NOTCH2: variants seen among roughly 807,000 people sequenced by gnomAD.
NOTCH2 encodes the protein notch receptor 2.
NOTCH2 carries 29 observed loss-of-function variants against 235.8 expected under a neutral mutation model. The ratio of observed to expected loss-of-function variants is 0.12; its 90% CI spans 0.09 to 0.17. The LOEUF is 0.17. Ranked by LOEUF, NOTCH2 falls within the 10% of genes least tolerant of loss-of-function variation. NOTCH2 has a pLI of 1.00. For synonymous variants in NOTCH2, 1,086 were observed against 1,141.5 expected, an observed-to-expected ratio of 0.95 and a Z score of 0.98; for missense variants, 2,285 against 3,150.2, an observed-to-expected ratio of 0.73 and a Z score of 6.57.
At position 119,969,494 on chromosome 1, in the gene NOTCH2, G is replaced by T. The variant is rs376006218; in HGVS notation, c.1108+17C>A. 6.2e-7 allele frequency: 1 copy of T among 1,609,424 alleles called. No homozygotes were observed. The highest frequency in any genetic ancestry group is 1.1e-5 in the South Asian group (1 of 90,776). Reference sequence around the variant, plus strand: ...CTGCCCCTTCCCTGTTTCTAGATCCGTCCTTCTGCTACCTACCTGCCTTCC... The same window carrying T: ...CTGCCCCTTCCCTGTTTCTAGATCCTTCCTTCTGCTACCTACCTGCCTTCC... On this transcript the variant is annotated intron_variant, in intron 6 of 33. Transcript: ENST00000256646.
chr1:119,916,032 A>C lies in NOTCH2; in HGVS notation c.6690T>G (p.Ile2230Met), dbSNP rs1649055038. 1.2e-6 allele frequency: 2 copies of C among 1,613,638 alleles called. No individual in the cohort carries two copies. The highest frequency in any genetic ancestry group is 1.7e-5 in the Admixed American group (1 of 60,000). Residue 2230 changes from isoleucine (I) to methionine (M), a missense_variant, in exon 34 of 34, where the codon ATT becomes ATG. By Grantham distance (10) the Ile-to-Met change is conservative. Around this residue, in one of 6 missense-constraint regions of NOTCH2, gnomAD observed 504 missense variants for 538.0 expected, o/e 0.94. Coordinates refer to ENST00000256646, the MANE Select transcript of NOTCH2 (RefSeq NM_024408.4). ...SVSQLLSHHH[I>M]VSPGSGSAGS... is the part of the protein sequence containing the mutation. ...CAGCACTGCCACTGCCTGGAGACAC[A>C]ATGTGGTGGTGGGATAGCAACTGGC... is the stretch of plus-strand genomic sequence containing the variant.
At chr1:119,945,772 G>T (rs1361949685) in intron 17 of NOTCH2, among the ~76,000 whole-genome samples, 1 of 151,958 alleles carries the variant, frequency 6.6e-6, no homozygotes, top group African/African-American at 2.4e-5. Context: ...GATAGTAAAA[G>T]ATTTCAATAC....
chr1:120,025,303 C>T (rs1461810272), intron 2 of NOTCH2, among the ~76,000 whole-genome samples: 20 of 151,556 alleles, frequency 1.3e-4, no homozygotes, highest in Non-Finnish European at 2.8e-4. Context: ...GAGCAGAAGG[C>T]TCCTGGGGCT....
rs782669546 is a variant in NOTCH2 at position 119,949,087 on chromosome 1, T to C, written c.2519A>G (p.Asn840Ser). The change falls in exon 16 of 34, where the codon AAC (asparagine) becomes AGC (serine). Residue 840 changes from asparagine to serine, a missense_variant. Physicochemically the swap from Asn to Ser is conservative, Grantham distance 46. Around this residue, in one of 6 missense-constraint regions of NOTCH2, gnomAD observed 1,173 missense variants for 1,515.3 expected, o/e 0.77. Coordinates refer to ENST00000256646, the MANE Select transcript of NOTCH2 (RefSeq NM_024408.4). The stretch of plus-strand genomic sequence containing the variant: ...GCAAACAGCAGCATTCTCACAAGGG[T>C]TTGGGGAACAGGGAGCCAATACTGT... Reference protein sequence around the residue: ...CQTVLAPCSPNPCENAAVCKE... With the variant: ...CQTVLAPCSPSPCENAAVCKE... 24 of 1,614,102 alleles carry C rather than the reference T, an allele frequency of 1.5e-5. No homozygotes were observed. The highest frequency in any genetic ancestry group is 2.0e-5 in the Non-Finnish European group (24 of 1,179,994).
rs1211950451 is a variant in NOTCH2, at chr1:120,043,144, A to C, written c.74-13157T>G. Among the ~76,000 whole-genome samples, 5 of 151,244 alleles carry C rather than the reference A, an allele frequency of 3.3e-5. No homozygotes were observed. In the East Asian group the frequency reaches 9.6e-4, roughly 29 times the overall value. The stretch of plus-strand genomic sequence containing the variant: ...ACAATATATTTAGGATTAACATCTC[A>C]GCTTCTAATAGGCAGGGATTTTCAG... On this transcript the variant is annotated intron_variant, in intron 1 of 33. Transcript: ENST00000256646.
chr1:119,965,390 G>A, intron 10 of NOTCH2, 63 bp downstream of exon 10: 1 of 1,243,320 alleles, frequency 8.0e-7, no homozygotes, highest in South Asian at 1.2e-5. Context: ...AGAGGACAGG[G>A]ACAATCACCC....
chr1:119,948,967 A>G, intron 16 of NOTCH2, 40 bp downstream of exon 16: 2 of 1,613,940 alleles, frequency 1.2e-6, no homozygotes, highest in Non-Finnish European at 1.7e-6. Context: ...GTTTAAAGTC[A>G]GAATGCATGT....
chr1:120,012,495 A>G (rs2101265397), intron 2 of NOTCH2, among the ~76,000 whole-genome samples: 1 of 152,254 alleles, frequency 6.6e-6, no homozygotes, highest in East Asian at 1.9e-4. Context: ...TTTGAACCCA[A>G]TAATTGGAAC....
chr1:119,979,934 A>G (rs1467805310), intron 5 of NOTCH2, among the ~76,000 whole-genome samples: 1 of 152,172 alleles, frequency 6.6e-6, no homozygotes, highest in Non-Finnish European at 1.5e-5. Context: ...GTCCTTTAAA[A>G]ATTAAAAAAA....
chr1:119,913,488 A>G lies in NOTCH2; in HGVS notation c.*1818T>C. The G allele has an allele frequency of 4.3e-6, 1 of 233,292 alleles. No individual in the cohort carries two copies. The highest frequency in any genetic ancestry group is 6.0e-5 in the East Asian group (1 of 16,582). The allele number at this position is 233,292 out of a possible 1,614,324, so 14.5% of individuals were successfully genotyped here. On this transcript the variant is annotated 3_prime_UTR_variant, in exon 34 of 34. Transcript: ENST00000256646. ...TCTACAAAATGCCCAGGCAGAACTT[A>G]TTTTGCAGGTGTCATGGGCATCACA...
chr1:119,916,528 T>C lies in NOTCH2; in HGVS notation c.6194A>G (p.Tyr2065Cys), dbSNP rs780780177. ...HHDIVRLLDE[Y>C]NVTPSPPGTV... ...GCCTGGAGGGCTTGGGGTCACATTG[T>C]ATTCATCCAGAAGGCGCACAATGTC... Residue 2065 changes from tyrosine (Y) to cysteine (C), a missense_variant, in exon 34 of 34, where the codon TAC becomes TGC. Transcript: ENST00000256646. 1.2e-6 allele frequency: 2 copies of C among 1,613,586 alleles called. No individual in the cohort carries two copies. The highest frequency in any genetic ancestry group is 1.7e-6 in the Non-Finnish European group (2 of 1,179,534).
rs57002170 is a variant in NOTCH2, at chr1:119,931,984, G to GTA, written c.3656-2774_3656-2773dup. Among the ~76,000 whole-genome samples the GTA allele has an allele frequency of 5.2e-3, 731 of 141,798 alleles. 3 individuals carry two copies. Among genetic ancestry groups the GTA allele is most frequent in the Middle Eastern group, 0.015 (4 of 268 alleles). 93.0% of individuals were successfully genotyped at this position (141,798 alleles called of 152,430 possible). A position where few individuals can be genotyped will look rare whatever the true frequency, so the allele number is the denominator to read the frequency against. On this transcript the variant is annotated intron_variant, in intron 22 of 33. Transcript: ENST00000256646. ...AATGTGGGAAAAAAGATATATGTGT[G>GTA]TATATATATATATATGTATATATAC...
intron 26 of NOTCH2, 60 bp downstream of exon 26, chr1:119,923,577 A>G (rs1649360164): frequency 2.9e-6 from 4 of 1,384,868 alleles, no homozygotes; most frequent in African/African-American, 2.8e-5. Flanking sequence ...GACTTGTGCT[A>G]TATGTCAAAG....
At chr1:119,977,985 G>T (rs1553201139) in intron 5 of NOTCH2, among the ~76,000 whole-genome samples, 1 of 152,140 alleles carries the variant, frequency 6.6e-6, no homozygotes, top group Admixed American at 6.5e-5. Context: ...ACAAACAGCA[G>T]ACTTATAACC....
chr1:119,930,097 CATGAT>C (rs1237342361), intron 22 of NOTCH2, among the ~76,000 whole-genome samples: 4 of 152,170 alleles, frequency 2.6e-5, no homozygotes, highest in Admixed American at 1.3e-4. Context: ...AATTACACTC[CATGAT>C]GATTGTACAA....
rs2101169224 is a variant in NOTCH2 at position 119,929,090 on chromosome 1, G to A, written c.3778C>T (p.Arg1260Cys). ...CACTCGTTGATGTCTCCCTCACAACGCTCCCCAGCAAAGCCAGGCAAGCAG... is the reference window on the plus strand; with the variant it reads ...CACTCGTTGATGTCTCCCTCACAACACTCCCCAGCAAAGCCAGGCAAGCAG... The part of the protein sequence containing the change: ...CRCLPGFAGE[R>C]CEGDINECLS... Residue 1260 changes from arginine to cysteine, a missense_variant, in exon 23 of 34, where the codon CGT (arginine) becomes TGT (cysteine). Physicochemically the swap from Arg to Cys is radical, Grantham distance 180. This residue lies in a region of NOTCH2 where 1,173 missense variants were observed against 1,515.3 expected (regional missense o/e 0.77). Coordinates refer to ENST00000256646, the MANE Select transcript of NOTCH2 (RefSeq NM_024408.4). 5 of 1,614,116 alleles carry A rather than the reference G, an allele frequency of 3.1e-6. No individual in the cohort carries two copies. The highest frequency in any genetic ancestry group is 4.2e-6 in the Non-Finnish European group (5 of 1,180,030).
At chr1:120,000,332 C>G (rs1341133335) in intron 3 of NOTCH2, among the ~76,000 whole-genome samples, 1 of 151,964 alleles carries the variant, frequency 6.6e-6, no homozygotes, top group African/African-American at 2.4e-5. Context: ...TCAGGCGATC[C>G]AGACCATTGT....
chr1:120,033,827 T>C (rs1654198857), intron 1 of NOTCH2, among the ~76,000 whole-genome samples: 1 of 152,168 alleles, frequency 6.6e-6, no homozygotes, highest in Non-Finnish European at 1.5e-5. Context: ...AAGGATACAC[T>C]AACTACCTTT....
intron 22 of NOTCH2, among the ~76,000 whole-genome samples, chr1:119,933,009 G>C (rs1449850687): frequency 6.6e-6 from 1 of 152,086 alleles, no homozygotes; most frequent in African/African-American, 2.4e-5. Flanking sequence ...CTTATACATA[G>C]AGTAAATTGA....
Sources: gnomAD v4.1 joint callset for allele counts (sites outside exome capture counted in the v4.1 genomes callset) on GRCh38, gnomAD v4.1.1 for gene constraint, gnomAD v4.1.1 regional missense constraint, MANE v1.5 for transcripts, NCBI Gene and HGNC (gene_info 2026-07-23, HGNC 2026-07-21) for gene names.